CFAP47: variants seen among roughly 807,000 people sequenced by gnomAD.
CFAP47 encodes cilia and flagella associated protein 47.
Under a neutral mutation model 148.1 loss-of-function variants are expected in CFAP47, and 29 were observed. The observed-to-expected ratio is 0.20, with a 90% CI of 0.15 to 0.27. The LOEUF (loss-of-function observed/expected upper bound fraction) is 0.27. Among genes scored for constraint, CFAP47 ranks in the 10% least tolerant of loss-of-function variants. The probability of loss-of-function intolerance (pLI) is 1.00; values close to 1 mark genes in which losing one functional copy is unlikely to be tolerated. For missense variants in CFAP47, 1,872 were observed against 1,697.5 expected (o/e 1.10, Z -1.81); for synonymous variants, 664 against 577.3 (o/e 1.15, Z -2.15).
intron 39 of CFAP47, among the ~76,000 whole-genome samples, chrX:36,163,285 T>G (rs761621849): frequency 8.9e-6 from 1 of 111,930 alleles, no homozygotes; most frequent in South Asian, 3.7e-4. Context: ...TTAATTCGTT[T>G]ATATTCTTGA....
rs782175446 is a variant in CFAP47 at position 36,376,148 on chromosome X, A to T, written c.9186-3202A>T. On this transcript the variant is annotated intron_variant, in intron 62 of 63. Transcript: ENST00000378653. ...CACAGACTGGCTTTCTACTGGGAAG[A>T]TTTTCACCAATCATCCTGGCTAGAG... 4.5e-5 allele frequency among the ~76,000 whole-genome samples: 5 copies of T among 111,974 alleles called. No individual in the cohort carries two copies. In the South Asian group the frequency reaches 1.1e-3, roughly 25 times the overall value.
intron 26 of CFAP47, among the ~76,000 whole-genome samples, chrX:36,054,710 A>G (rs1937539873): frequency 1.8e-5 from 2 of 111,616 alleles, no homozygotes; most frequent in South Asian, 7.5e-4. Context: ...TTAATGCTTG[A>G]AAGTTATTTA....
At chrX:36,071,346 G>A (rs1255580314) in intron 27 of CFAP47, among the ~76,000 whole-genome samples, 2 of 112,208 alleles carry the variant, frequency 1.8e-5, no homozygotes, top group Admixed American at 9.5e-5. Context: ...CTGAAATCGA[G>A]ATTGAAATCT....
At chrX:36,161,667 C>T (rs1182114408) in intron 39 of CFAP47, among the ~76,000 whole-genome samples, 2 of 111,614 alleles carry the variant, frequency 1.8e-5, no homozygotes, top group Non-Finnish European at 3.8e-5. Flanking sequence ...TCTGTTTTTT[C>T]CAGCTTCAGC....
At chrX:36,115,815 C>A (rs183079255) in intron 33 of CFAP47, among the ~76,000 whole-genome samples, 1 of 111,735 alleles carries the variant, frequency 8.9e-6, no homozygotes, top group Non-Finnish European at 1.9e-5. Context: ...AAATACATCT[C>A]TCCTCACAAA....
At chrX:36,036,214 C>T (rs1445584133) in intron 24 of CFAP47, among the ~76,000 whole-genome samples, 1 of 110,791 alleles carries the variant, frequency 9.0e-6, no homozygotes, top group Non-Finnish European at 1.9e-5. Flanking sequence ...CCCATTTCCC[C>T]CACTCCCAAG....
At chrX:36,143,107 T>C (rs1251435780) in intron 35 of CFAP47, among the ~76,000 whole-genome samples, 1 of 112,479 alleles carries the variant, frequency 8.9e-6, no homozygotes, top group Non-Finnish European at 1.9e-5. Context: ...CACAAAATAC[T>C]GATGAGAAAC....
intron 37 of CFAP47, among the ~76,000 whole-genome samples, chrX:36,157,853 A>T (rs1029590708): frequency 8.9e-6 from 1 of 111,792 alleles, no homozygotes; most frequent in African/African-American, 3.2e-5. Flanking sequence ...TTATCTTAAT[A>T]AATAATTTGA....
intron 57 of CFAP47, among the ~76,000 whole-genome samples, chrX:36,320,366 G>T (rs1556011810): frequency 9.0e-6 from 1 of 111,626 alleles, no homozygotes; most frequent in Admixed American, 9.5e-5. Flanking sequence ...AGTAAGAATG[G>T]GTTAATTAAG....
At chrX:36,061,225 A>G (rs1483849209) in intron 26 of CFAP47, among the ~76,000 whole-genome samples, 1 of 110,702 alleles carries the variant, frequency 9.0e-6, no homozygotes, top group African/African-American at 3.3e-5. Flanking sequence ...CATCACTGTA[A>G]GTTTCTTGAG....
chrX:36,108,563 C>T (rs1273843674), intron 33 of CFAP47, among the ~76,000 whole-genome samples: 2 of 111,574 alleles, frequency 1.8e-5, no homozygotes, highest in Non-Finnish European at 3.8e-5. Context: ...ATCAATGTCA[C>T]CCTCTCATAT....
At chrX:36,168,647 G>A (rs1475155923) in intron 39 of CFAP47, among the ~76,000 whole-genome samples, 4 of 111,055 alleles carry the variant, frequency 3.6e-5, no homozygotes, top group South Asian at 3.8e-4. Flanking sequence ...GGCAGGTCTC[G>A]AACTCCTGGG....
At chrX:35,946,760 A>T (rs1350821923) in intron 3 of CFAP47, among the ~76,000 whole-genome samples, 4 of 111,745 alleles carry the variant, frequency 3.6e-5, no homozygotes, top group Non-Finnish European at 5.6e-5. Context: ...CAAACTGTTT[A>T]TTTTAGCACC....
chrX:35,991,539 A>G (rs1936788966), intron 16 of CFAP47, among the ~76,000 whole-genome samples: 2 of 110,582 alleles, frequency 1.8e-5, no homozygotes, highest in South Asian at 7.6e-4. Flanking sequence ...TAACTAGATT[A>G]TCACAGATTT....
chrX:35,922,774 AC>A (rs1935597691), intron 1 of CFAP47, among the ~76,000 whole-genome samples: 1 of 112,478 alleles, frequency 8.9e-6, no homozygotes, highest in Non-Finnish European at 1.9e-5. Flanking sequence ...ACTCAGCCTC[AC>A]ATTAGAATCC....
intron 39 of CFAP47, among the ~76,000 whole-genome samples, chrX:36,168,366 G>A (rs1159726285): frequency 1.8e-5 from 2 of 111,237 alleles, no homozygotes; most frequent in Admixed American, 9.6e-5. Flanking sequence ...TAGTTACCCT[G>A]AGGATTACAA....
intron 57 of CFAP47, among the ~76,000 whole-genome samples, chrX:36,345,509 C>G (rs958902749): frequency 9.0e-6 from 1 of 111,387 alleles, no homozygotes; most frequent in Non-Finnish European, 1.9e-5. Context: ...TAATGCTCAC[C>G]CACCTGCTGC....
chrX:36,122,595 G>T (rs1051648088), intron 33 of CFAP47, among the ~76,000 whole-genome samples: 1 of 111,287 alleles, frequency 9.0e-6, no homozygotes, highest in African/African-American at 3.3e-5. Context: ...GGACTTTGAT[G>T]TATTTTTTAG....
intron 60 of CFAP47, among the ~76,000 whole-genome samples, chrX:36,359,142 A>T (rs1799437555): frequency 8.9e-6 from 1 of 112,252 alleles, no homozygotes; most frequent in African/African-American, 3.2e-5. Context: ...TAAGAAAAAC[A>T]TTATGTTTTT....
Sources: allele counts gnomAD v4.1 joint callset (sites outside exome capture counted in the v4.1 genomes callset), GRCh38; gene constraint gnomAD v4.1.1; transcripts MANE v1.5; gene names NCBI Gene and HGNC (gene_info 2026-07-23, HGNC 2026-07-21).